ADARB2: variants seen among roughly 807,000 people sequenced by gnomAD.
ADARB2 encodes adenosine deaminase RNA specific B2 (inactive).
A neutral mutation model predicts 62.2 loss-of-function variants in ADARB2; 25 were observed. The ratio of observed to expected loss-of-function variants is 0.40; its 90% CI spans 0.29 to 0.56. The LOEUF (loss-of-function observed/expected upper bound fraction) is 0.56. Ranked by LOEUF, ADARB2 falls within the 20% of genes least tolerant of loss-of-function variation. The pLI is 0.43. For missense variants in ADARB2, 1,071 were observed against 1,077.4 expected (o/e 0.99, Z 0.08); for synonymous variants, 572 against 500.8 (o/e 1.14, Z -1.90).
At chr10:1,566,345 A>G (rs1169972933) in intron 1 of ADARB2, among the ~76,000 whole-genome samples, 2 of 152,202 alleles carry the variant, frequency 1.3e-5, no homozygotes, top group Non-Finnish European at 2.9e-5. Context: ...TTTTCAGTCT[A>G]CACATGTGTC....
chr10:1,656,518 AAG>A (rs1438610287), intron 1 of ADARB2, among the ~76,000 whole-genome samples: 8 of 148,546 alleles, frequency 5.4e-5, no homozygotes, highest in Non-Finnish European at 1.2e-4. Context: ...GAGAGAGGGA[AAG>A]AGAGAAAAAG....
chr10:1,308,884 G>T (rs777687765), intron 3 of ADARB2, among the ~76,000 whole-genome samples: 1 of 152,190 alleles, frequency 6.6e-6, no homozygotes, highest in Non-Finnish European at 1.5e-5. Context: ...TTCTCAGCTG[G>T]AAAAGTGTTG....
Position 1,585,377 on chromosome 10 carries a change from C to A in ADARB2, c.100+151674G>T, listed in dbSNP as rs114830006. 2.3e-3 allele frequency among the ~76,000 whole-genome samples: 348 copies of A among 152,208 alleles called. 4 individuals are homozygous for A. Among genetic ancestry groups the A allele is most frequent in the African/African-American group, 7.9e-3 (330 of 41,518 alleles). On this transcript the variant is annotated intron_variant, in intron 1 of 9. Transcript: ENST00000381312. ...TTTCCATTTGGTTCCTAAATAAGATCGCTACAAAGATAAAAAAAAGCTACA... is the reference window on the plus strand; with the variant it reads ...TTTCCATTTGGTTCCTAAATAAGATAGCTACAAAGATAAAAAAAAGCTACA...
At chr10:1,568,285 G>C (rs1330955699) in intron 1 of ADARB2, among the ~76,000 whole-genome samples, 1 of 152,160 alleles carries the variant, frequency 6.6e-6, no homozygotes, top group Non-Finnish European at 1.5e-5. Context: ...CGGCTGCCAG[G>C]AAACGCTCAG....
At chr10:1,458,392 G>A (rs533539390) in intron 1 of ADARB2, among the ~76,000 whole-genome samples, 1 of 152,182 alleles carries the variant, frequency 6.6e-6, no homozygotes, top group African/African-American at 2.4e-5. Context: ...TTTCTCTGAT[G>A]AAACAATTGA....
chr10:1,574,212 C>T (rs1189092031), intron 1 of ADARB2, among the ~76,000 whole-genome samples: 1 of 152,176 alleles, frequency 6.6e-6, no homozygotes, highest in Non-Finnish European at 1.5e-5. Flanking sequence ...CGGACAGCCT[C>T]TTACACATGC....
intron 1 of ADARB2, among the ~76,000 whole-genome samples, chr10:1,715,176 G>A (rs1185147656): frequency 6.6e-6 from 1 of 152,028 alleles, no homozygotes; most frequent in Admixed American, 6.6e-5. Context: ...AAAGCAAGAA[G>A]TCTCTAAATC....
intron 2 of ADARB2, 26 bp from the exon 3 acceptor site, chr10:1,363,943 G>C (rs368371502): frequency 7.0e-7 from 1 of 1,425,368 alleles, no homozygotes; most frequent in Non-Finnish European, 9.1e-7. Flanking sequence ...GACCAGTCAG[G>C]AGCCTGGGCG....
At chr10:1,437,546 C>T (rs141286163) in intron 1 of ADARB2, among the ~76,000 whole-genome samples, 12 of 152,230 alleles carry the variant, frequency 7.9e-5, no homozygotes, top group East Asian at 7.7e-4. Flanking sequence ...CCTGGCTGTG[C>T]GCTGATCTAA....
intron 1 of ADARB2, among the ~76,000 whole-genome samples, chr10:1,502,779 T>A (rs1223441510): frequency 6.6e-6 from 1 of 152,206 alleles, no homozygotes; most frequent in Non-Finnish European, 1.5e-5. Context: ...AACACTTAGA[T>A]GGAAAAAGAA....
chr10:1,644,067 T>A (rs1299835955), intron 1 of ADARB2, among the ~76,000 whole-genome samples: 3 of 151,970 alleles, frequency 2.0e-5, no homozygotes, highest in African/African-American at 7.3e-5. Flanking sequence ...AAGGCAGGAG[T>A]GGAAGCAGCT....
intron 3 of ADARB2, among the ~76,000 whole-genome samples, chr10:1,325,777 G>A (rs1831839207): frequency 6.6e-6 from 1 of 152,082 alleles, no homozygotes; most frequent in Non-Finnish European, 1.5e-5. Flanking sequence ...GTGGGACGGA[G>A]GAAAGCACTG....
At chr10:1,356,402 C>T (rs1046599994) in intron 3 of ADARB2, among the ~76,000 whole-genome samples, 1 of 152,200 alleles carries the variant, frequency 6.6e-6, no homozygotes, top group Non-Finnish European at 1.5e-5. Context: ...GGGACCCACC[C>T]CCTGGAGGGC....
intron 3 of ADARB2, among the ~76,000 whole-genome samples, chr10:1,298,720 ATTTTTTTTTTTTT>A (rs75978268): frequency 8.9e-4 from 99 of 110,636 alleles, no homozygotes; most frequent in Non-Finnish European, 1.2e-3. Flanking sequence ...TGCGACGGGA[ATTTTTTTTTTTTT>A]TTTTTTTTTT....
In ADARB2 at chr10:1,255,043, A is replaced by C. The variant is rs1831068179; in HGVS notation, c.1193-12744T>G. On this transcript the variant is annotated intron_variant, in intron 4 of 9. Coordinates refer to ENST00000381312, the MANE Select transcript of ADARB2 (RefSeq NM_018702.4). The surrounding 1 kb of genome is among the most constrained non-coding windows in gnomAD (Gnocchi z 4.7). ...CACATACTCATTAATTTCCTTATAA[A>C]ATGCTCCCAGAGGACATGCCACCCT... 1.3e-5 allele frequency among the ~76,000 whole-genome samples: 2 copies of C among 152,168 alleles called. No homozygotes were observed. Among genetic ancestry groups the C allele is most frequent in the Non-Finnish European group, 2.9e-5 (2 of 68,030 alleles).
chr10:1,659,820 TGCC>T (rs1834221691), intron 1 of ADARB2, among the ~76,000 whole-genome samples: 1 of 149,278 alleles, frequency 6.7e-6, no homozygotes, highest in African/African-American at 2.4e-5. Flanking sequence ...TTGCCTGCCC[TGCC>T]TGGGCGACCC....
chr10:1,229,980 G>A (rs540867566), intron 6 of ADARB2, among the ~76,000 whole-genome samples: 6 of 152,318 alleles, frequency 3.9e-5, no homozygotes, highest in African/African-American at 1.4e-4. Flanking sequence ...GGGAGACTGA[G>A]GAAGGGATGA....
At chr10:1,346,286 G>C (rs892394361) in intron 3 of ADARB2, among the ~76,000 whole-genome samples, 19 of 152,194 alleles carry the variant, frequency 1.2e-4, no homozygotes, top group African/African-American at 4.1e-4. Context: ...CCAGAATGTG[G>C]CAGTGAAGGA....
At chr10:1,423,785 AG>A (rs1210690198) in intron 1 of ADARB2, among the ~76,000 whole-genome samples, 1 of 151,938 alleles carries the variant, frequency 6.6e-6, no homozygotes, top group African/African-American at 2.4e-5. Flanking sequence ...TGTATGCAGT[AG>A]GTCCACTATG....
Sources: allele counts gnomAD v4.1 joint callset (sites outside exome capture counted in the v4.1 genomes callset), GRCh38; gene constraint gnomAD v4.1.1; non-coding constraint Gnocchi (gnomAD v3.1); transcripts MANE v1.5; gene names NCBI Gene and HGNC (gene_info 2026-07-23, HGNC 2026-07-21).